Variants in DDX42 observed in about 807,000 individuals in gnomAD.
The protein encoded by DDX42 is ATP-dependent RNA helicase DDX42.
A neutral mutation model predicts 101.5 loss-of-function variants in DDX42; 22 were observed. The ratio of observed to expected loss-of-function variants is 0.22; its 90% confidence interval spans 0.15 to 0.31. The LOEUF is 0.31. Among genes scored for constraint, DDX42 ranks in the 10% least tolerant of loss-of-function variants. The pLI is 1.00. For synonymous variants in DDX42, 402 were observed against 401.2 expected (o/e 1.00, Z -0.02); for missense variants, 849 against 1,199.9 (o/e 0.71, Z 4.32).
chr17:63,810,952 C>A, intron 12 of DDX42, 124 bp from the exon 13 acceptor site: 1 of 733,646 alleles, frequency 1.4e-6, no homozygotes, highest in Non-Finnish European at 2.2e-6. Context: ...AGTTTCTAAA[C>A]TAAATTTAAA....
rs117203979 is a variant in DDX42 at position 63,805,786 on chromosome 17, A to G, written c.726+611A>G. ...CCTTATCAGTTGCTACACGATGTTT[A>G]AACTCCTGTTTTCCAGGAGGGGTGT... On this transcript the variant is annotated intron_variant, in intron 7 of 17. Coordinates refer to ENST00000389924, the MANE Select transcript of DDX42 (RefSeq NM_203499.3). 5.4e-3 allele frequency: 816 copies of G among 152,440 alleles called. 3 individuals carry two copies. The highest frequency in any genetic ancestry group is 6.7e-3 in the Non-Finnish European group (457 of 68,140). The allele number at this position is 152,440 out of a possible 1,614,324, so 9.4% of individuals were successfully genotyped here.
rs1410009621 is a variant in DDX42, at chr17:63,818,506, C to A, written c.*108C>A. On this transcript the variant is annotated 3_prime_UTR_variant, in exon 18 of 18. Coordinates refer to ENST00000389924, the MANE Select transcript of DDX42 (RefSeq NM_203499.3). Reference sequence around the variant, plus strand: ...GGTCCAAAGTGTAAGGACCCCCTGCCCTTAGTGGAGAGCTGGAGCTTGGAG... The same window carrying A: ...GGTCCAAAGTGTAAGGACCCCCTGCACTTAGTGGAGAGCTGGAGCTTGGAG... The A allele has an allele frequency of 7.0e-6, 7 of 995,604 alleles. No homozygotes were observed. The African/African-American group carries it at 1.1e-4, about 16-fold the overall frequency. The allele number at this position is 995,604 out of a possible 1,614,324, so 61.7% of individuals were successfully genotyped here.
At chr17:63,811,658 C>G (rs1598342000) in intron 13 of DDX42, 1 of 542,570 alleles carries the variant, frequency 1.8e-6, no homozygotes. Flanking sequence ...GTTATGGCTG[C>G]TTAGAGAATC....
At chr17:63,808,269 C>T (rs1409160441) in intron 9 of DDX42, among the ~76,000 whole-genome samples, 1 of 152,172 alleles carries the variant, frequency 6.6e-6, no homozygotes, top group South Asian at 2.1e-4. Context: ...CCTCCACCTC[C>T]CAGTTTCAAG....
intron 9 of DDX42, among the ~76,000 whole-genome samples, chr17:63,808,371 A>C (rs2039868124): frequency 6.6e-6 from 1 of 152,026 alleles, no homozygotes. Context: ...ACGGGGTTTC[A>C]CCATGTTGGC....
chr17:63,803,802 A>G (rs2039804043), intron 6 of DDX42, among the ~76,000 whole-genome samples: 1 of 151,390 alleles, frequency 6.6e-6, no homozygotes, highest in African/African-American at 2.4e-5. Context: ...GGTGTGTGCC[A>G]CTACGCCCGG....
At chr17:63,796,503 A>T (rs1472712285) in intron 3 of DDX42, among the ~76,000 whole-genome samples, 1 of 152,212 alleles carries the variant, frequency 6.6e-6, no homozygotes, top group African/African-American at 2.4e-5. Flanking sequence ...TTTAGTAGAG[A>T]CAGGGTTTCT....
chr17:63,809,060 A>G (rs1598340347), intron 10 of DDX42, 112 bp downstream of exon 10: 1 of 1,427,006 alleles, frequency 7.0e-7, no homozygotes, highest in South Asian at 1.4e-5. Flanking sequence ...TTGAAAATAT[A>G]CTGATGAACG....
chr17:63,818,493 A>G lies in DDX42; in HGVS notation c.*95A>G. On this transcript the variant is annotated 3_prime_UTR_variant, in exon 18 of 18. Transcript: ENST00000389924. ...AGGGCTGGGTTGGGGTCCAAAGTGT[A>G]AGGACCCCCTGCCCTTAGTGGAGAG... 1.8e-6 allele frequency: 2 copies of G among 1,139,772 alleles called. No individual in the cohort carries two copies. Among genetic ancestry groups the G allele is most frequent in the Non-Finnish European group, 2.4e-6 (2 of 816,400 alleles). 70.6% of individuals were successfully genotyped at this position (1,139,772 alleles called of 1,614,324 possible).
intron 15 of DDX42, 156 bp from the exon 16 acceptor site, chr17:63,815,407 A>AAGAGAAAT: frequency 1.9e-6 from 1 of 527,802 alleles, no homozygotes; most frequent in Non-Finnish European, 3.4e-6. Flanking sequence ...AGAGAAACCA[A>AAGAGAAAT]TCTGTGGTTC....
intron 6 of DDX42, among the ~76,000 whole-genome samples, chr17:63,801,041 CTCTTT>C (rs1306088518): frequency 7.5e-6 from 1 of 133,806 alleles, no homozygotes; most frequent in Middle Eastern, 3.9e-3. Context: ...TCTCTTTCTT[CTCTTT>C]TATTTTCTTT....
At chr17:63,805,319 C>CTGTTCATGTCTCTTAATTTGAT (rs2039825549) in intron 7 of DDX42, 144 bp downstream of exon 7, 2 of 949,300 alleles carry the variant, frequency 2.1e-6, no homozygotes, top group Non-Finnish European at 3.1e-6. Context: ...TATATCCCTT[C>CTGTTCATGTCTCTTAATTTGAT]TGTTCATGTC....
chr17:63,816,203 C>CT (rs1436520554), intron 16 of DDX42, among the ~76,000 whole-genome samples: 1 of 152,184 alleles, frequency 6.6e-6, no homozygotes, highest in South Asian at 2.1e-4. Context: ...TCTTAACTGC[C>CT]TGTTTTCTGT....
At chr17:63,814,675 C>CTT (rs58211962) in intron 15 of DDX42, among the ~76,000 whole-genome samples, 1,742 of 90,476 alleles carry the variant, frequency 0.019, 160 homozygotes, top group African/African-American at 0.054. Context: ...GAGACATTTG[C>CTT]TTTTTTTTTT....
chr17:63,798,362 A>G (rs1324524138), intron 4 of DDX42, among the ~76,000 whole-genome samples: 3 of 152,354 alleles, frequency 2.0e-5, no homozygotes, highest in Non-Finnish European at 4.4e-5. Context: ...GGAATGAATT[A>G]TAGTAGAGTT....
rs772223968 is a variant in DDX42, at chr17:63,813,460, G to A, written c.1902+6G>A. ...TCCTAGATCTGGCAATGCAGGTGAG[G>A]GGCTGGGCACACTTTCAATTGCTCC... On this transcript the variant is annotated splice_donor_region_variant and intron_variant, in intron 15 of 17. Coordinates refer to ENST00000389924, the MANE Select transcript of DDX42 (RefSeq NM_203499.3). The A allele has an allele frequency of 1.6e-5, 26 of 1,611,610 alleles. No homozygotes were observed. Among genetic ancestry groups the A allele is most frequent in the Non-Finnish European group, 1.9e-5 (22 of 1,178,198 alleles).
At chr17:63,780,556 A>G (rs141100045) in intron 1 of DDX42, among the ~76,000 whole-genome samples, 28 of 152,328 alleles carry the variant, frequency 1.8e-4, no homozygotes, top group Non-Finnish European at 2.4e-4. Flanking sequence ...AGTCAAGTCT[A>G]TGCCCTCATA....
At chr17:63,776,337 C>T (rs1191157904) in intron 1 of DDX42, 6 of 152,376 alleles carry the variant, frequency 3.9e-5, no homozygotes, top group Non-Finnish European at 8.8e-5. Flanking sequence ...GTCTGCACGT[C>T]TCTACCCAGC....
At chr17:63,778,595 T>C (rs1265983184) in intron 1 of DDX42, among the ~76,000 whole-genome samples, 1 of 152,124 alleles carries the variant, frequency 6.6e-6, no homozygotes, top group Non-Finnish European at 1.5e-5. Context: ...ACTCAGTATA[T>C]TTTGACTTAG....
Sources: gnomAD v4.1 joint callset for allele counts (sites outside exome capture counted in the v4.1 genomes callset) on GRCh38, gnomAD v4.1.1 for gene constraint, MANE v1.5 for transcripts, NCBI Gene and HGNC (gene_info 2026-07-23, HGNC 2026-07-21) for gene names.